The following TEX10 variants were observed in gnomAD, a reference collection of about 807,000 sequenced individuals.
The protein encoded by TEX10 is testis-expressed protein 10.
Under a neutral mutation model 104.4 loss-of-function variants are expected in TEX10, and 24 were observed. The ratio of observed to expected loss-of-function variants is 0.23; its 90% CI spans 0.17 to 0.32. The LOEUF is 0.32. Among genes scored for constraint, TEX10 ranks in the 10% least tolerant of loss-of-function variants. The probability of loss-of-function intolerance (pLI) is 1.00; values close to 1 mark genes in which losing one functional copy is unlikely to be tolerated. For synonymous variants in TEX10, 396 were observed against 393.4 expected (o/e 1.01, Z -0.08); for missense variants, 921 against 1,083.9 (o/e 0.85, Z 2.11).
At chr9:100,314,479 T>A (rs184665415) in intron 11 of TEX10, among the ~76,000 whole-genome samples, 2 of 152,332 alleles carry the variant, frequency 1.3e-5, no homozygotes, top group Middle Eastern at 3.4e-3. Context: ...GGGAGTTGTA[T>A]GTTTCCAGGA....
At chr9:100,324,762 G>A (rs1338657082) in intron 9 of TEX10, among the ~76,000 whole-genome samples, 7 of 152,084 alleles carry the variant, frequency 4.6e-5, no homozygotes, top group Non-Finnish European at 8.8e-5. Context: ...GTGATTTAAC[G>A]GAACTGAATG....
At chr9:100,317,156 T>C (rs1247152106) in intron 11 of TEX10, among the ~76,000 whole-genome samples, 3 of 151,922 alleles carry the variant, frequency 2.0e-5, no homozygotes, top group African/African-American at 7.3e-5. Context: ...AAAAATAATA[T>C]GGAACCAAAA....
chr9:100,351,369 ACAAAACAAAAC>A lies in TEX10; in HGVS notation c.-10+1392_-10+1402del, dbSNP rs1333316876. On this transcript the variant is annotated intron_variant, in intron 1 of 14. Transcript: ENST00000374902. ...CCTCTAGTTACCTTAGTCTTAAAAA[ACAAAACAAAAC>A]AAAAAAAAAAGCTGGGGGTCGGTGG... 1.3e-4 allele frequency among the ~76,000 whole-genome samples: 15 copies of A among 111,314 alleles called. 1 individual carries two copies. The highest frequency in any genetic ancestry group is 5.6e-4 in the African/African-American group (15 of 27,002). The allele number at this position is 111,314 out of a possible 152,430, so 73.0% of individuals were successfully genotyped here. A position where few individuals can be genotyped will look rare whatever the true frequency, so the allele number is the denominator to read the frequency against.
chr9:100,346,008 G>A (rs368465190), intron 4 of TEX10, 64 bp downstream of exon 4: 51 of 1,518,834 alleles, frequency 3.4e-5, no homozygotes, highest in South Asian at 2.5e-4. Context: ...AGCTGATTTC[G>A]AATCTTGCCA....
At chr9:100,345,490 T>C (rs1303110026) in intron 4 of TEX10, among the ~76,000 whole-genome samples, 1 of 152,238 alleles carries the variant, frequency 6.6e-6, no homozygotes, top group African/African-American at 2.4e-5. Context: ...TTTGAAGTCT[T>C]GCTTCTGTAG....
chr9:100,309,761 A>G (rs1336887220), intron 12 of TEX10, among the ~76,000 whole-genome samples: 1 of 152,254 alleles, frequency 6.6e-6, no homozygotes, highest in Non-Finnish European at 1.5e-5. Flanking sequence ...AGATAAGAGT[A>G]TAAACACTGG....
In TEX10 at chr9:100,343,336, C is replaced by A. The variant is rs1182262933; in HGVS notation, c.1137+2736G>T. On this transcript the variant is annotated intron_variant, in intron 4 of 14. Coordinates refer to ENST00000374902, the MANE Select transcript of TEX10 (RefSeq NM_017746.4). ...AATAAAAAAGATAGGTAAGGGAATG[C>A]AAAAAAAAAAAAGAAAGAAAGAAAA... Among the ~76,000 whole-genome samples, 293 of 117,956 alleles carry A rather than the reference C, an allele frequency of 2.5e-3. 1 individual carries two copies. The highest frequency in any genetic ancestry group is 9.3e-3 in the Middle Eastern group (2 of 216). 77.4% of individuals were successfully genotyped at this position (117,956 alleles called of 152,430 possible).
At chr9:100,341,656 C>T (rs1835177777) in intron 4 of TEX10, among the ~76,000 whole-genome samples, 1 of 152,176 alleles carries the variant, frequency 6.6e-6, no homozygotes, top group African/African-American at 2.4e-5. Flanking sequence ...AGCCTCCTAA[C>T]CAGTCTGCCT....
At chr9:100,308,794 A>C in intron 12 of TEX10, 113 bp from the exon 13 acceptor site, 1 of 970,864 alleles carries the variant, frequency 1.0e-6, no homozygotes, top group South Asian at 2.7e-5. Context: ...CTGAAAACCA[A>C]TATATACCTA....
chr9:100,346,754 T>C lies in TEX10; in HGVS notation c.833A>G (p.His278Arg), dbSNP rs1835309216. The C allele has an allele frequency of 6.2e-7, 1 of 1,614,198 alleles. No homozygotes were observed. Among genetic ancestry groups the C allele is most frequent in the Non-Finnish European group, 8.5e-7 (1 of 1,180,018 alleles). ...ACCCCCATTTTCATAAACCTGGATG[T>C]GTTGCTGGTCGTTGGCATGTTCCTT... ...NWKEHANDQQ[H>R]IQVYENGGSQ... The change falls in exon 3 of 15, where the codon CAC becomes CGC. Residue 278 changes from histidine to arginine, a missense_variant. Around this residue, in one of 3 missense-constraint regions of TEX10, gnomAD observed 753 missense variants for 868.4 expected, o/e 0.87. Coordinates refer to ENST00000374902, the MANE Select transcript of TEX10 (RefSeq NM_017746.4).
chr9:100,344,589 T>G (rs1173079880), intron 4 of TEX10, among the ~76,000 whole-genome samples: 2 of 152,200 alleles, frequency 1.3e-5, no homozygotes, highest in Non-Finnish European at 2.9e-5. Flanking sequence ...CTCACGCCTG[T>G]AACCCAACAC....
intron 9 of TEX10, among the ~76,000 whole-genome samples, chr9:100,322,182 T>G (rs1328000119): frequency 2.0e-5 from 3 of 152,212 alleles, no homozygotes; most frequent in Non-Finnish European, 4.4e-5. Context: ...GCTTCCTACA[T>G]AACTAAGCAA....
At chr9:100,306,545 AAAC>A (rs1250369655) in intron 13 of TEX10, 1 of 152,226 alleles carries the variant, frequency 6.6e-6, no homozygotes, top group African/African-American at 2.4e-5. Flanking sequence ...AGACAGTACT[AAAC>A]AACTCAACTC....
intron 5 of TEX10, among the ~76,000 whole-genome samples, chr9:100,331,129 C>T (rs1834852591): frequency 6.6e-6 from 1 of 151,896 alleles, no homozygotes; most frequent in Non-Finnish European, 1.5e-5. Flanking sequence ...GGTGTGGTGG[C>T]ACATGCCTGT....
In TEX10 at chr9:100,330,075, T is replaced by G. The variant is rs191772783; in HGVS notation, c.1345A>C (p.Thr449Pro). 6.2e-7 allele frequency: 1 copy of G among 1,614,160 alleles called. No individual in the cohort carries two copies. The highest frequency in any genetic ancestry group is 1.3e-5 in the African/African-American group (1 of 75,060). The change falls in exon 6 of 15, where the codon ACT becomes CCT. Residue 449 changes from threonine (T) to proline (P), a missense_variant. Coordinates refer to ENST00000374902, the MANE Select transcript of TEX10 (RefSeq NM_017746.4). ...ATCCAACTGCAATCCTTCTGCAAAGTTGACGCATTTGCCAGGGAGACCATG... is the reference window on the plus strand; with the variant it reads ...ATCCAACTGCAATCCTTCTGCAAAGGTGACGCATTTGCCAGGGAGACCATG... ...DIMVSLANAS[T>P]LQKDCSWIEM...
intron 4 of TEX10, 124 bp from the exon 5 acceptor site, chr9:100,340,493 A>G: frequency 1.9e-6 from 1 of 540,338 alleles, no homozygotes; most frequent in Non-Finnish European, 3.1e-6. Flanking sequence ...TACCAGTAAT[A>G]TAATATGTAA....
intron 5 of TEX10, among the ~76,000 whole-genome samples, chr9:100,335,954 G>C (rs1041772521): frequency 2.0e-5 from 3 of 151,956 alleles, no homozygotes; most frequent in African/African-American, 7.3e-5. Flanking sequence ...GCTCGCCTGA[G>C]GTCAGGAGTT....
At position 100,303,827 on chromosome 9, in the gene TEX10, C is replaced by T. The variant is rs762475173; in HGVS notation, c.2481G>A (p.Gly827=). The stretch of plus-strand genomic sequence containing the variant: ...AGAGAGCCAGGATGGAGACACAGAC[C>T]CCCCACAGCTTGTCCCTACAATAAC... ...EHLRKRDKLW[G]VCVSILALLP... The change falls in exon 14 of 15, where the codon GGG becomes GGA. Residue 827 remains glycine, a synonymous_variant. Coordinates refer to ENST00000374902, the MANE Select transcript of TEX10 (RefSeq NM_017746.4). The T allele has an allele frequency of 1.7e-5, 27 of 1,613,702 alleles. No individual in the cohort carries two copies. The Middle Eastern group carries it at 5.0e-4, about 30-fold the overall frequency.
chr9:100,305,029 A>G (rs1834111157), intron 13 of TEX10: 1 of 152,258 alleles, frequency 6.6e-6, no homozygotes, highest in Non-Finnish European at 1.5e-5. Context: ...GAGCCAAATC[A>G]AGAACATCAT....
Sources: allele counts gnomAD v4.1 joint callset (sites outside exome capture counted in the v4.1 genomes callset), GRCh38; gene constraint gnomAD v4.1.1; regional missense constraint gnomAD v4.1.1; transcripts MANE v1.5; gene names NCBI Gene and HGNC (gene_info 2026-07-23, HGNC 2026-07-21).